MCRIP2: variants seen among roughly 807,000 people sequenced by gnomAD.
The protein encoded by MCRIP2 is MAPK regulated co-repressor interacting protein 2.
In MCRIP2, 21 loss-of-function variants were observed where a neutral mutation model predicts 23.2. That is an observed-to-expected ratio of 0.90 (90% confidence interval 0.64 to 1.30). The LOEUF (loss-of-function observed/expected upper bound fraction) is 1.30, where lower values mean the gene tolerates loss of function less well. Ranked by LOEUF, MCRIP2 falls within the 50% of genes most tolerant of loss-of-function variation. The pLI, the probability that MCRIP2 is intolerant of heterozygous loss-of-function variation, is 0.00. For synonymous variants in MCRIP2, 121 were observed against 100.2 expected (o/e 1.21, Z -1.24); for missense variants, 234 against 223.2 (o/e 1.05, Z -0.31).
intron 4 of MCRIP2, 45 bp from the exon 5 acceptor site, chr16:648,075 C>T (rs1300181944): frequency 1.3e-6 from 2 of 1,545,878 alleles, no homozygotes; most frequent in Non-Finnish European, 1.8e-6. Flanking sequence ...GACTTGCCGG[C>T]TGGCCTGGGA....
At chr16:647,148 ACT>A (rs2037503481) in intron 2 of MCRIP2, 2 of 502,030 alleles carry the variant, frequency 4.0e-6, no homozygotes, top group Non-Finnish European at 7.1e-6. Context: ...GGTTTGGGAC[ACT>A]CTAAGACTGA....
At chr16:642,391 G>A in intron 2 of MCRIP2, 142 bp downstream of exon 2, 1 of 813,252 alleles carries the variant, frequency 1.2e-6, no homozygotes, top group Non-Finnish European at 1.6e-6. Context: ...GGGCGCGGGG[G>A]GTGCGCGGGT....
intron 2 of MCRIP2, 199 bp from the exon 3 acceptor site, chr16:647,218 G>A (rs2037505394): frequency 1.6e-6 from 1 of 643,206 alleles, no homozygotes; most frequent in South Asian, 1.9e-5. Flanking sequence ...GGTGTGAGCT[G>A]AGCTGCCGAT....
At chr16:647,945 G>C in intron 4 of MCRIP2, 61 bp downstream of exon 4, 1 of 1,178,468 alleles carries the variant, frequency 8.5e-7, no homozygotes, top group Non-Finnish European at 1.2e-6. Flanking sequence ...TCCTGACCCA[G>C]GCCCTGCCAG....
chr16:647,603 G>C, intron 3 of MCRIP2, 59 bp downstream of exon 3: 2 of 1,596,146 alleles, frequency 1.3e-6, no homozygotes, highest in South Asian at 2.2e-5. Context: ...CCATGGACCC[G>C]GGATGGCCCC....
chr16:642,011 G>T lies in MCRIP2; in HGVS notation c.20G>T (p.Gly7Val). 7.5e-7 allele frequency: 1 copy of T among 1,328,938 alleles called. No individual in the cohort carries two copies. The highest frequency in any genetic ancestry group is 1.9e-5 in the South Asian group (1 of 51,766). The allele number at this position is 1,328,938 out of a possible 1,614,324, so 82.3% of individuals were successfully genotyped here. A position where few individuals can be genotyped will look rare whatever the true frequency, so the allele number is the denominator to read the frequency against. The stretch of plus-strand genomic sequence containing the variant: ...CGCGTCATGTACACCATCACCAAGG[G>T]GCCCAGCAAGCTGGTCGCGCAGCGC... MYTITK[G>V]PSKLVAQRRT... The change falls in exon 1 of 5, where the codon GGG (glycine) becomes GTG (valine). Residue 7 changes from glycine (G) to valine (V), a missense_variant. By Grantham distance (109) the Gly-to-Val change is moderately radical (BLOSUM62 -3). Transcript: ENST00000307650.
At position 647,807 on chromosome 16, in the gene MCRIP2, T is replaced by C. The variant is rs1409567309; in HGVS notation, c.335T>C (p.Leu112Pro). The change falls in exon 4 of 5, where the codon CTG (leucine) becomes CCG (proline). Residue 112 changes from leucine to proline, a missense_variant. Leu to Pro is a moderately conservative substitution (Grantham distance 98). Coordinates refer to ENST00000307650, the MANE Select transcript of MCRIP2 (RefSeq NM_138418.4). ...SEAWQQVQQQ[L>P]DGGPAGEGGP... ...GCCTGGCAGCAGGTGCAACAGCAGC[T>C]GGATGGTGGCCCAGCCGGTGAGGGC... 7 of 1,573,928 alleles carry C rather than the reference T, an allele frequency of 4.4e-6. No homozygotes were observed. The highest frequency in any genetic ancestry group is 5.2e-6 in the Non-Finnish European group (6 of 1,160,528).
chr16:642,446 T>A, intron 2 of MCRIP2, 197 bp downstream of exon 2: 1 of 374,248 alleles, frequency 2.7e-6, no homozygotes, highest in Non-Finnish European at 4.0e-6. Context: ...CACTTCCGCC[T>A]CACCTGGCCG....
rs73485499 is a variant in MCRIP2, at chr16:644,951, G to A, written c.183-2466G>A. Reference sequence around the variant, plus strand: ...TGACAGACCAGATAAACCTTGGTTTGTTTTTTTAATTTTTATTTTTATTCT... The same window carrying A: ...TGACAGACCAGATAAACCTTGGTTTATTTTTTTAATTTTTATTTTTATTCT... On this transcript the variant is annotated intron_variant, in intron 2 of 4. Coordinates refer to ENST00000307650, the MANE Select transcript of MCRIP2 (RefSeq NM_138418.4). 2.7e-3 allele frequency among the ~76,000 whole-genome samples: 409 copies of A among 151,962 alleles called. 6 individuals carry two copies. The highest frequency in any genetic ancestry group is 9.1e-3 in the African/African-American group (377 of 41,430).
chr16:646,931 A>T lies in MCRIP2; in HGVS notation c.183-486A>T, dbSNP rs1799269096. The T allele has an allele frequency of 3.5e-5, 6 of 170,094 alleles. No individual in the cohort carries two copies. In the South Asian group the frequency reaches 8.4e-4, roughly 24 times the overall value. 10.5% of individuals were successfully genotyped at this position (170,094 alleles called of 1,614,324 possible). On this transcript the variant is annotated intron_variant, in intron 2 of 4. Transcript: ENST00000307650. This position sits in a 1 kb window ranked among gnomAD's most constrained non-coding sequence, Gnocchi z 6.5. The stretch of plus-strand genomic sequence containing the variant: ...CCCGTCCAGGTCCATCCGTCCATGG[A>T]GGGAAACATCGTGGAGATGGAGGTG...
Position 646,746 on chromosome 16 carries a change from T to C in MCRIP2, c.183-671T>C, listed in dbSNP as rs1302787661. 6.6e-6 allele frequency: 1 copy of C among 152,306 alleles called. No individual in the cohort carries two copies. The highest frequency in any genetic ancestry group is 1.9e-4 in the East Asian group (1 of 5,158). 9.4% of individuals were successfully genotyped at this position (152,306 alleles called of 1,614,324 possible). A position where few individuals can be genotyped will look rare whatever the true frequency, so the allele number is the denominator to read the frequency against. ...GCCCACCAGACGTTGCGTGCGGCAC[T>C]GCGGGAGCCATCTCCTTTGGCATCG... On this transcript the variant is annotated intron_variant, in intron 2 of 4. Coordinates refer to ENST00000307650, the MANE Select transcript of MCRIP2 (RefSeq NM_138418.4). The surrounding 1 kb of genome is among the most constrained non-coding windows in gnomAD (Gnocchi z 6.5).
At position 648,154 on chromosome 16, in the gene MCRIP2, G is replaced by A. The variant is rs776819332; in HGVS notation, c.447G>A (p.Ala149=). Residue 149 remains alanine, a synonymous_variant, in exon 5 of 5, where the codon GCG becomes GCA. Coordinates refer to ENST00000307650, the MANE Select transcript of MCRIP2 (RefSeq NM_138418.4). ...CCATTGACCTAGACGAGTGGTGGGC[G>A]CAGCAGTTCCTGGCGAGAATCACCA... The part of the protein sequence containing the change: ...FVPIDLDEWW[A]QQFLARITSC... 12 of 1,611,134 alleles carry A rather than the reference G, an allele frequency of 7.4e-6. No homozygotes were observed. Among genetic ancestry groups the A allele is most frequent in the East Asian group, 6.7e-5 (3 of 44,854 alleles).
At position 647,201 on chromosome 16, in the gene MCRIP2, G is replaced by A. The variant is rs984490692; in HGVS notation, c.183-216G>A. On this transcript the variant is annotated intron_variant, in intron 2 of 4. Transcript: ENST00000307650. ...GTCACTCACTTCCCTCAGGACACAG[G>A]GCTGCAGGTGTGAGCTGAGCTGCCG... 8.2e-6 allele frequency: 5 copies of A among 610,510 alleles called. No individual in the cohort carries two copies. In the African/African-American group the frequency reaches 9.3e-5, roughly 11 times the overall value. 37.8% of individuals were successfully genotyped at this position (610,510 alleles called of 1,614,324 possible).
chr16:643,635 C>T (rs2037406140), intron 2 of MCRIP2, among the ~76,000 whole-genome samples: 1 of 150,442 alleles, frequency 6.6e-6, no homozygotes, highest in Non-Finnish European at 1.5e-5. Flanking sequence ...ACCTCTGCCT[C>T]CCGGGTTCAA....
At position 648,278 on chromosome 16, in the gene MCRIP2, G is replaced by A. The variant is rs781497468; in HGVS notation, c.*88G>A. On this transcript the variant is annotated 3_prime_UTR_variant, in exon 5 of 5. Transcript: ENST00000307650. ...CTGCCCACCCACTGCGCCTGGCTGGGTGCCGGCCACACCTGAAGTGCCAGC... is the reference window on the plus strand; with the variant it reads ...CTGCCCACCCACTGCGCCTGGCTGGATGCCGGCCACACCTGAAGTGCCAGC... 3.0e-6 allele frequency: 4 copies of A among 1,326,474 alleles called. No homozygotes were observed. The South Asian group carries it at 3.7e-5, about 12-fold the overall frequency. The allele number at this position is 1,326,474 out of a possible 1,614,324, so 82.2% of individuals were successfully genotyped here. A position where few individuals can be genotyped will look rare whatever the true frequency, so the allele number is the denominator to read the frequency against.
chr16:647,303 T>C (rs1322592054), intron 2 of MCRIP2, 114 bp from the exon 3 acceptor site: 3 of 1,490,972 alleles, frequency 2.0e-6, no homozygotes, highest in Non-Finnish European at 2.7e-6. Context: ...AGGAAGTGCC[T>C]AGGCTGGCCA....
intron 2 of MCRIP2, among the ~76,000 whole-genome samples, chr16:644,043 C>G (rs1275247847): frequency 1.3e-5 from 2 of 152,150 alleles, no homozygotes; most frequent in African/African-American, 4.8e-5. Context: ...CATGAAGCCC[C>G]CATCCTGCTC....
intron 2 of MCRIP2, among the ~76,000 whole-genome samples, chr16:644,539 G>A (rs1230873408): frequency 6.6e-6 from 1 of 152,154 alleles, no homozygotes; most frequent in African/African-American, 2.4e-5. Context: ...AACCTCCCAG[G>A]TTCAAGTGAT....
At chr16:644,809 G>T (rs746123462) in intron 2 of MCRIP2, among the ~76,000 whole-genome samples, 1 of 151,574 alleles carries the variant, frequency 6.6e-6, no homozygotes, top group African/African-American at 2.4e-5. Flanking sequence ...GCGCGGGAGG[G>T]GGGTGTCGGG....
Sources: allele counts gnomAD v4.1 joint callset (sites outside exome capture counted in the v4.1 genomes callset), GRCh38; gene constraint gnomAD v4.1.1; non-coding constraint Gnocchi (gnomAD v3.1); transcripts MANE v1.5; gene names NCBI Gene and HGNC (gene_info 2026-07-23, HGNC 2026-07-21).